Variants in CSMD1 observed in about 807,000 individuals in gnomAD.
CSMD1 encodes the protein CUB and sushi domain-containing protein 1.
A neutral mutation model predicts 417.5 loss-of-function variants in CSMD1; 213 were observed. That is an observed-to-expected ratio of 0.51 (90% confidence interval 0.46 to 0.57). CSMD1 has a LOEUF of 0.57. CSMD1 is among the 20% of genes least tolerant of loss of function. The pLI is 0.00. For synonymous variants in CSMD1, 2,862 were observed against 1,736.8 expected (o/e 1.65, Z -16.11); for missense variants, 6,923 against 4,529.7 (o/e 1.53, Z -15.17).
chr8:3,310,251 CATT>C (rs1330929970), intron 23 of CSMD1, among the ~76,000 whole-genome samples: 1 of 152,164 alleles, frequency 6.6e-6, no homozygotes, highest in Non-Finnish European at 1.5e-5. Flanking sequence ...CAAAATCCAT[CATT>C]ATTACAGATT....
chr8:3,634,421 G>A (rs924295907), intron 7 of CSMD1, among the ~76,000 whole-genome samples: 4 of 152,180 alleles, frequency 2.6e-5, no homozygotes, highest in South Asian at 2.1e-4. Flanking sequence ...TCCTCTGTGC[G>A]TGGGGTCACA....
intron 5 of CSMD1, among the ~76,000 whole-genome samples, chr8:3,864,530 C>A (rs953625880): frequency 6.6e-5 from 10 of 152,276 alleles, no homozygotes; most frequent in African/African-American, 2.4e-4. Flanking sequence ...AGGTTTGTTA[C>A]ATATGTATAC....
chr8:4,559,014 T>C lies in CSMD1; in HGVS notation c.302+78328A>G, dbSNP rs1239658162. ...GTATTGTTTCTTGATTGTACATTCA[T>C]CGTAGAGTTCTTTGCAAAGTCCCCC... is the stretch of plus-strand genomic sequence containing the variant. On this transcript the variant is annotated intron_variant, in intron 2 of 69. Coordinates refer to ENST00000635120, the MANE Select transcript of CSMD1 (RefSeq NM_033225.6). Among the ~76,000 whole-genome samples, 3 of 152,196 alleles carry C rather than the reference T, an allele frequency of 2.0e-5. 1 individual carries two copies. The highest frequency in any genetic ancestry group is 4.4e-5 in the Non-Finnish European group (3 of 68,046).
chr8:4,289,716 G>C (rs935849461), intron 3 of CSMD1, among the ~76,000 whole-genome samples: 3 of 152,186 alleles, frequency 2.0e-5, no homozygotes, highest in African/African-American at 4.8e-5. Context: ...TTCAGCTACT[G>C]AGATTTTGCT....
intron 7 of CSMD1, among the ~76,000 whole-genome samples, chr8:3,659,071 A>T (rs914136006): frequency 6.6e-6 from 1 of 152,192 alleles, no homozygotes; most frequent in African/African-American, 2.4e-5. Context: ...AATTAGTTCT[A>T]ATTTCCGAAA....
chr8:4,151,427 G>A (rs1001024986), intron 3 of CSMD1, among the ~76,000 whole-genome samples: 3 of 152,116 alleles, frequency 2.0e-5, no homozygotes, highest in Non-Finnish European at 2.9e-5. Flanking sequence ...AATAAATTCT[G>A]AGACATTTGT....
chr8:3,985,622 T>C (rs1389785344), intron 5 of CSMD1, among the ~76,000 whole-genome samples: 1 of 152,182 alleles, frequency 6.6e-6, no homozygotes, highest in African/African-American at 2.4e-5. Flanking sequence ...GGAAGATCCT[T>C]GCACGGCAGA....
At chr8:3,561,019 G>A (rs139518129) in intron 10 of CSMD1, among the ~76,000 whole-genome samples, 1 of 152,112 alleles carries the variant, frequency 6.6e-6, no homozygotes, top group African/African-American at 2.4e-5. Context: ...AAAACGGCAG[G>A]CAGTGAATAC....
rs907584880 is a variant in CSMD1, at chr8:4,565,080, T to C, written c.302+72262A>G. ...TAAGATAAACACTGAAGAAAAACTT[T>C]CCCTGAGTGCTTTCTACCCAAGAAT... On this transcript the variant is annotated intron_variant, in intron 2 of 69. Transcript: ENST00000635120. Among the ~76,000 whole-genome samples, 4 of 152,216 alleles carry C rather than the reference T, an allele frequency of 2.6e-5. 1 individual carries two copies. In the South Asian group the frequency reaches 8.3e-4, roughly 31 times the overall value.
chr8:4,477,249 G>A (rs993684865), intron 2 of CSMD1, among the ~76,000 whole-genome samples: 1 of 152,192 alleles, frequency 6.6e-6, no homozygotes, highest in Non-Finnish European at 1.5e-5. Flanking sequence ...TAGGGCTAGA[G>A]CCACTGCAGC....
intron 5 of CSMD1, among the ~76,000 whole-genome samples, chr8:3,964,884 CCTA>C (rs1489289765): frequency 1.3e-5 from 2 of 152,156 alleles, no homozygotes; most frequent in Admixed American, 6.5e-5. Context: ...GCATATTATG[CCTA>C]CTTTTAAAAA....
intron 2 of CSMD1, among the ~76,000 whole-genome samples, chr8:4,450,539 G>T (rs1403795778): frequency 6.6e-6 from 1 of 152,050 alleles, no homozygotes; most frequent in African/African-American, 2.4e-5. Flanking sequence ...GGAGGCTGAG[G>T]CACGGGATTC....
intron 26 of CSMD1, among the ~76,000 whole-genome samples, chr8:3,233,488 T>C (rs891781235): frequency 6.6e-6 from 1 of 152,236 alleles, no homozygotes; most frequent in Non-Finnish European, 1.5e-5. Context: ...AGATATTCTG[T>C]TATAAGCAGT....
chr8:3,944,600 G>A (rs192933035), intron 5 of CSMD1, among the ~76,000 whole-genome samples: 1 of 152,194 alleles, frequency 6.6e-6, no homozygotes, highest in East Asian at 1.9e-4. Context: ...CAAATTCCCA[G>A]ATATGCCAAC....
chr8:4,945,895 T>C (rs927516277), intron 1 of CSMD1, among the ~76,000 whole-genome samples: 2 of 152,110 alleles, frequency 1.3e-5, no homozygotes, highest in Non-Finnish European at 1.5e-5. Flanking sequence ...TCCTGAATAA[T>C]AGCATTCACT....
chr8:4,883,263 G>A (rs1017507512), intron 1 of CSMD1, among the ~76,000 whole-genome samples: 1 of 151,994 alleles, frequency 6.6e-6, no homozygotes, highest in African/African-American at 2.4e-5. Context: ...AATGATGAAA[G>A]CTAATATAGA....
chr8:4,959,655 C>G (rs73659418), intron 1 of CSMD1, among the ~76,000 whole-genome samples: 2,293 of 152,316 alleles, frequency 0.015, 62 homozygotes, highest in African/African-American at 0.052. Flanking sequence ...CTCTTCTCAG[C>G]GTATTATCTA....
intron 3 of CSMD1, among the ~76,000 whole-genome samples, chr8:4,194,975 C>T (rs80349538): frequency 0.019 from 2,814 of 151,878 alleles, 104 homozygotes; most frequent in African/African-American, 0.064. Context: ...AATGGACTAT[C>T]TAGCTTTCTT....
intron 11 of CSMD1, among the ~76,000 whole-genome samples, chr8:3,473,408 T>A (rs894723605): frequency 3.0e-4 from 45 of 152,204 alleles, no homozygotes; most frequent in African/African-American, 1.1e-3. Context: ...CTTACAAAAA[T>A]TTCATACAGT....
Sources: allele counts gnomAD v4.1 joint callset (sites outside exome capture counted in the v4.1 genomes callset), GRCh38; gene constraint gnomAD v4.1.1; transcripts MANE v1.5; gene names NCBI Gene and HGNC (gene_info 2026-07-23, HGNC 2026-07-21).